LMLN: variants seen among roughly 807,000 people sequenced by gnomAD.
LMLN encodes the protein leishmanolysin like peptidase.
Under a neutral mutation model 92.3 loss-of-function variants are expected in LMLN, and 70 were observed. The ratio of observed to expected loss-of-function variants is 0.76; its 90% CI spans 0.63 to 0.92. The LOEUF is 0.92. Ranked by LOEUF, LMLN falls within the 40% of genes least tolerant of loss-of-function variation. The pLI, the probability that LMLN is intolerant of heterozygous loss-of-function variation, is 0.00. For synonymous variants in LMLN, 308 were observed against 296.2 expected (o/e 1.04, Z -0.41); for missense variants, 691 against 814.6 (o/e 0.85, Z 1.85).
At chr3:198,029,773 T>G (rs1723029203) in intron 14 of LMLN, among the ~76,000 whole-genome samples, 1 of 152,144 alleles carries the variant, frequency 6.6e-6, no homozygotes, top group Non-Finnish European at 1.5e-5. Flanking sequence ...CTTTCAATTC[T>G]TAGTTGTTGT....
Position 197,986,940 on chromosome 3 carries a change from C to T in LMLN, c.929+1050C>T, listed in dbSNP as rs376868107. On this transcript the variant is annotated intron_variant, in intron 8 of 15. Coordinates refer to ENST00000330198, the Ensembl canonical transcript of LMLN. Reference sequence around the variant, plus strand: ...CTGCAAGCTCCGCCTCCAGGGTTCACGCCATTCTCCTGCCTCAGCCTCCCT... The same window carrying T: ...CTGCAAGCTCCGCCTCCAGGGTTCATGCCATTCTCCTGCCTCAGCCTCCCT... Among the ~76,000 whole-genome samples, 13 of 149,648 alleles carry T rather than the reference C, an allele frequency of 8.7e-5. No individual in the cohort carries two copies. The East Asian group carries it at 1.8e-3, about 20-fold the overall frequency.
intron 14 of LMLN, among the ~76,000 whole-genome samples, chr3:198,033,980 A>G (rs559612594): frequency 1.3e-5 from 2 of 152,328 alleles, no homozygotes; most frequent in Non-Finnish European, 2.9e-5. Flanking sequence ...CTGATGATAG[A>G]GTTATTTCAA....
intron 11 of LMLN, among the ~76,000 whole-genome samples, chr3:198,014,096 T>C (rs545127542): frequency 6.9e-6 from 1 of 145,982 alleles, no homozygotes; most frequent in Admixed American, 6.7e-5. Flanking sequence ...CTCTGTACCC[T>C]TCAGAGTCCC....
chr3:198,016,484 A>G (rs1722645599), intron 11 of LMLN, among the ~76,000 whole-genome samples: 1 of 152,196 alleles, frequency 6.6e-6, no homozygotes, highest in Admixed American at 6.5e-5. Context: ...GTTACTAATT[A>G]AGTCATGACT....
chr3:198,010,240 G>A (rs573110209), intron 11 of LMLN, among the ~76,000 whole-genome samples: 79 of 151,732 alleles, frequency 5.2e-4, no homozygotes, highest in Non-Finnish European at 9.6e-4. Context: ...TGCAGCCTCC[G>A]CCTCCCGGGT....
In LMLN at chr3:198,019,253, G is replaced by A; in HGVS notation, c.1233G>A (p.Gly411=). Residue 411 remains glycine, a splice_region_variant and synonymous_variant, in exon 12 of 16, where the codon GGG becomes GGA. Transcript: ENST00000330198. This position sits in a 1 kb window ranked among gnomAD's most constrained non-coding sequence, Gnocchi z 5.5. ...CCATGGTACTTCTCTTTGTTTGCAG[G>A]AGACAGATGCTGAGCCCTTACTGTG... The A allele has an allele frequency of 1.2e-6, 2 of 1,610,634 alleles. No individual in the cohort carries two copies. Among genetic ancestry groups the A allele is most frequent in the East Asian group, 2.2e-5 (1 of 44,826 alleles).
chr3:198,008,267 T>G (rs1722345941), intron 11 of LMLN, among the ~76,000 whole-genome samples: 1 of 152,202 alleles, frequency 6.6e-6, no homozygotes, highest in Admixed American at 6.5e-5. Flanking sequence ...TCAGTTAAAC[T>G]TGATCTTTTT....
intron 11 of LMLN, among the ~76,000 whole-genome samples, chr3:198,015,279 C>G (rs11922234): frequency 4.6e-3 from 420 of 91,746 alleles, no homozygotes; most frequent in African/African-American, 0.017. Flanking sequence ...TTCTCTCCAC[C>G]CTTCAGAGCC....
chr3:197,967,843 G>A (rs1425517794), intron 1 of LMLN, among the ~76,000 whole-genome samples: 1 of 152,104 alleles, frequency 6.6e-6, no homozygotes, highest in African/African-American at 2.4e-5. Context: ...CTTTCCCAGG[G>A]TCTTAAATAT....
At chr3:198,034,001 A>G (rs907706719) in intron 14 of LMLN, among the ~76,000 whole-genome samples, 2 of 152,248 alleles carry the variant, frequency 1.3e-5, no homozygotes, top group East Asian at 1.9e-4. Flanking sequence ...AATGACTTCA[A>G]ATATACTTTT....
At chr3:198,001,355 G>A (rs1489620913) in intron 11 of LMLN, among the ~76,000 whole-genome samples, 1 of 152,138 alleles carries the variant, frequency 6.6e-6, no homozygotes, top group African/African-American at 2.4e-5. Context: ...GCAAAGAAAC[G>A]GTTATCAGGA....
Position 198,019,230 on chromosome 3 carries a change from A to T in LMLN, c.1233-23A>T. ...AGTATTTTCTTTAAAGTTTGATACC[A>T]TGGTACTTCTCTTTGTTTGCAGGAG... On this transcript the variant is annotated intron_variant, in intron 11 of 15. Coordinates refer to ENST00000330198, the Ensembl canonical transcript of LMLN. The surrounding 1 kb of genome is among the most constrained non-coding windows in gnomAD (Gnocchi z 5.5). 1 of 1,600,942 alleles carries T rather than the reference A, an allele frequency of 6.2e-7. No individual in the cohort carries two copies. Among genetic ancestry groups the T allele is most frequent in the Non-Finnish European group, 8.5e-7 (1 of 1,175,916 alleles).
At chr3:198,012,474 G>T (rs998270300) in intron 11 of LMLN, among the ~76,000 whole-genome samples, 13 of 152,158 alleles carry the variant, frequency 8.5e-5, no homozygotes, top group Admixed American at 5.9e-4. Flanking sequence ...ATCAGTTGTT[G>T]AGAGAATTCA....
In LMLN at chr3:197,960,312, T is replaced by A. The variant is rs375365578; in HGVS notation, c.91T>A (p.Trp31Arg). The stretch of plus-strand genomic sequence containing the variant: ...AGGCCCGGGCCGGAGCCGGTGGCGC[T>A]GGAGCGGGTCTGTGTGGGTCCGAAG... Residue 31 changes from tryptophan (W) to arginine (R), a missense_variant, in exon 1 of 16, where the codon TGG becomes AGG. Physicochemically the swap from Trp to Arg is moderately radical, Grantham distance 101. Transcript: ENST00000330198. The A allele has an allele frequency of 1.9e-6, 3 of 1,613,678 alleles. No homozygotes were observed. The African/African-American group carries it at 4.0e-5, about 22-fold the overall frequency.
chr3:197,997,016 C>CTTGCT (rs1722041365), intron 10 of LMLN, among the ~76,000 whole-genome samples: 1 of 149,326 alleles, frequency 6.7e-6, no homozygotes, highest in Non-Finnish European at 1.5e-5. Flanking sequence ...TTTTCTTTTC[C>CTTGCT]TTTCTTTTCT....
At chr3:197,982,394 T>C (rs1721585553) in intron 6 of LMLN, among the ~76,000 whole-genome samples, 1 of 151,620 alleles carries the variant, frequency 6.6e-6, no homozygotes, top group Admixed American at 6.6e-5. Context: ...CCTGGCTAAT[T>C]TTTGTATTTT....
intron 11 of LMLN, among the ~76,000 whole-genome samples, chr3:198,012,018 C>G (rs1722457167): frequency 6.6e-6 from 1 of 152,154 alleles, no homozygotes; most frequent in Non-Finnish European, 1.5e-5. Context: ...TGAACTCAAA[C>G]AAATTTACAA....
intron 1 of LMLN, among the ~76,000 whole-genome samples, chr3:197,961,355 C>T (rs556314368): frequency 2.0e-5 from 3 of 152,292 alleles, no homozygotes; most frequent in African/African-American, 7.2e-5. Flanking sequence ...CATGCTGATA[C>T]ACCTACACAT....
At chr3:198,021,526 T>G (rs1428359122) in exon 13 of LMLN, 1 of 1,614,088 alleles carries the variant, frequency 6.2e-7, no homozygotes, top group African/African-American at 1.3e-5. Flanking sequence ...ACTACTGCCC[T>G]TTCAGTCAGG....
Sources: gnomAD v4.1 joint callset for allele counts (sites outside exome capture counted in the v4.1 genomes callset) on GRCh38, gnomAD v4.1.1 for gene constraint, Gnocchi (gnomAD v3.1) non-coding constraint, MANE v1.5 for transcripts, NCBI Gene and HGNC (gene_info 2026-07-23, HGNC 2026-07-21) for gene names.